ART1: variants seen among roughly 807,000 people sequenced by gnomAD.
ART1 encodes ADP-ribosyltransferase 1, also known as GPI-linked NAD(P)(+)--arginine ADP-ribosyltransferase 1.
ART1 carries 29 observed loss-of-function variants against 27.0 expected under a neutral mutation model. The observed-to-expected ratio is 1.08, with a 90% CI of 0.80 to 1.47. The LOEUF is 1.47. Ranked by LOEUF, ART1 falls within the 40% of genes most tolerant of loss-of-function variation. ART1 has a pLI of 0.00. For synonymous variants in ART1, 201 were observed against 172.2 expected, an observed-to-expected ratio of 1.17 and a Z score of -1.31; for missense variants, 480 against 423.0, an observed-to-expected ratio of 1.13 and a Z score of -1.18.
rs952902379 is a variant in ART1 at position 3,661,487 on chromosome 11, G to A, written c.886+74G>A. On this transcript the variant is annotated intron_variant, in intron 4 of 4. Transcript: ENST00000250693. ...GCTCTGGGGTTGGCCCCATCACCTC[G>A]ATCTTTTTTTTTTTTTTTTTTTTTG... 154 of 497,534 alleles carry A rather than the reference G, an allele frequency of 3.1e-4. 1 individual carries two copies. In the East Asian group the frequency reaches 5.7e-3, roughly 18 times the overall value. 30.8% of individuals were successfully genotyped at this position (497,534 alleles called of 1,614,324 possible).
intron 1 of ART1, among the ~76,000 whole-genome samples, chr11:3,656,783 T>C (rs903682248): frequency 2.0e-5 from 3 of 152,144 alleles, no homozygotes; most frequent in Admixed American, 6.6e-5. Flanking sequence ...GGAGCCACCA[T>C]GGCTGGCTGT....
At chr11:3,660,511 TAAG>T in intron 3 of ART1, 148 bp downstream of exon 3, 1 of 955,846 alleles carries the variant, frequency 1.0e-6, no homozygotes, top group East Asian at 2.6e-5. Flanking sequence ...CCCTTCCATC[TAAG>T]GGGAGACATA....
intron 1 of ART1, among the ~76,000 whole-genome samples, chr11:3,647,582 C>A (rs938274336): frequency 1.3e-5 from 2 of 151,582 alleles, no homozygotes; most frequent in Non-Finnish European, 2.9e-5. Flanking sequence ...TGAAGTGAGC[C>A]GAGATTGCAC....
intron 1 of ART1, among the ~76,000 whole-genome samples, chr11:3,657,582 C>T (rs2077584663): frequency 6.6e-6 from 1 of 152,022 alleles, no homozygotes; most frequent in Admixed American, 6.6e-5. Flanking sequence ...CTCAAACAAA[C>T]AAACAAAGTA....
chr11:3,649,545 T>A (rs1414439276), intron 1 of ART1, among the ~76,000 whole-genome samples: 1 of 152,200 alleles, frequency 6.6e-6, no homozygotes, highest in Non-Finnish European at 1.5e-5. Flanking sequence ...CTTCCTTTTC[T>A]ACAGACCCGT....
At chr11:3,646,399 A>C (rs536164881) in intron 1 of ART1, among the ~76,000 whole-genome samples, 1 of 152,230 alleles carries the variant, frequency 6.6e-6, no homozygotes, top group South Asian at 2.1e-4. Context: ...CGAATGATTG[A>C]CTGAATGGAC....
At chr11:3,652,170 A>G (rs2077528466) in intron 1 of ART1, among the ~76,000 whole-genome samples, 1 of 150,506 alleles carries the variant, frequency 6.6e-6, no homozygotes, top group Non-Finnish European at 1.5e-5. Flanking sequence ...GCTTTACTCA[A>G]CATGCCCTGA....
intron 1 of ART1, among the ~76,000 whole-genome samples, chr11:3,649,137 T>TG (rs2077495799): frequency 6.6e-6 from 1 of 152,104 alleles, no homozygotes; most frequent in South Asian, 2.1e-4. Context: ...CTCTCTCTTT[T>TG]CTCTGGGCTT....
chr11:3,648,030 A>C (rs1234825192), intron 1 of ART1, among the ~76,000 whole-genome samples: 2 of 152,174 alleles, frequency 1.3e-5, no homozygotes, highest in African/African-American at 4.8e-5. Context: ...TTCCTGCCTT[A>C]ACTGATGACA....
chr11:3,654,106 C>T (rs1225906423), intron 1 of ART1, among the ~76,000 whole-genome samples: 1 of 20,496 alleles, frequency 4.9e-5, no homozygotes, highest in African/African-American at 2.0e-4. Context: ...CAACTCCTAC[C>T]TCTGTCTATC....
chr11:3,652,597 C>T (rs201626362), intron 1 of ART1, among the ~76,000 whole-genome samples: 3 of 152,158 alleles, frequency 2.0e-5, no homozygotes, highest in Admixed American at 2.0e-4. Flanking sequence ...TGTATAGACG[C>T]TCCTTTTTAT....
chr11:3,648,485 A>G (rs771780590), intron 1 of ART1, among the ~76,000 whole-genome samples: 1 of 151,036 alleles, frequency 6.6e-6, no homozygotes, highest in Non-Finnish European at 1.5e-5. Flanking sequence ...CACTTCTCCA[A>G]CCTCCCTCAC....
In ART1 at chr11:3,648,950, C is replaced by T. The variant is rs527327053; in HGVS notation, c.-53+3771C>T. Among the ~76,000 whole-genome samples, 156 of 136,422 alleles carry T rather than the reference C, an allele frequency of 1.1e-3. No individual in the cohort carries two copies. The Middle Eastern group carries it at 0.015, about 13-fold the overall frequency. The allele number at this position is 136,422 out of a possible 152,430, so 89.5% of individuals were successfully genotyped here. A position where few individuals can be genotyped will look rare whatever the true frequency, so the allele number is the denominator to read the frequency against. ...CTTATTTCCACACCCCAACCTCTTA[C>T]CTCTGTGCCCCAATCCCTTATTTCC... is the stretch of plus-strand genomic sequence containing the variant. On this transcript the variant is annotated intron_variant, in intron 1 of 4. Transcript: ENST00000250693.
chr11:3,653,352 C>G (rs962365666), intron 1 of ART1, among the ~76,000 whole-genome samples: 3 of 148,290 alleles, frequency 2.0e-5, no homozygotes, highest in Non-Finnish European at 4.4e-5. Flanking sequence ...ATGGCCGGTT[C>G]CTGCCTTAAC....
At chr11:3,658,205 C>T (rs1354433837) in intron 1 of ART1, among the ~76,000 whole-genome samples, 1 of 151,672 alleles carries the variant, frequency 6.6e-6, no homozygotes, top group Non-Finnish European at 1.5e-5. Context: ...TGGAGGCGGG[C>T]ACCTCTAGTC....
intron 4 of ART1, among the ~76,000 whole-genome samples, chr11:3,662,569 G>T (rs763231221): frequency 2.0e-5 from 3 of 152,252 alleles, no homozygotes; most frequent in Non-Finnish European, 2.9e-5. Flanking sequence ...GAGAGGCCGG[G>T]TGTGGTGGCT....
intron 1 of ART1, 40 bp from the exon 2 acceptor site, chr11:3,659,122 T>C: frequency 8.1e-7 from 1 of 1,227,828 alleles, no homozygotes; most frequent in Non-Finnish European, 1.2e-6. Context: ...TGTCGATTCA[T>C]GTTTATTAAA....
chr11:3,664,248 A>G lies in ART1; in HGVS notation c.*59A>G. 6.5e-7 allele frequency: 1 copy of G among 1,529,686 alleles called. No individual in the cohort carries two copies. The highest frequency in any genetic ancestry group is 9.0e-7 in the Non-Finnish European group (1 of 1,109,686). 94.8% of individuals were successfully genotyped at this position (1,529,686 alleles called of 1,614,324 possible). ...TCTGCCCATCCTGAGGATGTTGGCC[A>G]TGTGTGCTTTCAGTGTAACCAAGAT... On this transcript the variant is annotated 3_prime_UTR_variant, in exon 5 of 5. Transcript: ENST00000250693.
intron 4 of ART1, among the ~76,000 whole-genome samples, chr11:3,663,104 C>CTCATCTCA (rs1554883248): frequency 3.5e-5 from 4 of 115,592 alleles, no homozygotes; most frequent in Non-Finnish European, 7.0e-5. Context: ...CTCATCTCAT[C>CTCATCTCA]TCATCTCATC....
Sources: allele counts gnomAD v4.1 joint callset (sites outside exome capture counted in the v4.1 genomes callset), GRCh38; gene constraint gnomAD v4.1.1; transcripts MANE v1.5; gene names NCBI Gene and HGNC (gene_info 2026-07-23, HGNC 2026-07-21).